CLIP4: variants seen among roughly 807,000 people sequenced by gnomAD.
CLIP4 encodes CAP-Gly domain-containing linker protein 4.
A neutral mutation model predicts 73.1 loss-of-function variants in CLIP4; 47 were observed. That is an observed-to-expected ratio of 0.64 (90% CI 0.51 to 0.82). The LOEUF is 0.82. CLIP4 is among the 40% of genes least tolerant of loss of function. The probability of loss-of-function intolerance (pLI) is 0.00; values close to 1 mark genes in which losing one functional copy is unlikely to be tolerated. For synonymous variants in CLIP4, 306 were observed against 295.4 expected, an observed-to-expected ratio of 1.04 and a Z score of -0.37; for missense variants, 874 against 852.9, an observed-to-expected ratio of 1.02 and a Z score of -0.31.
intron 12 of CLIP4, among the ~76,000 whole-genome samples, chr2:29,161,864 T>A (rs1667313577): frequency 6.6e-6 from 1 of 152,188 alleles, no homozygotes. Flanking sequence ...AAGTAGTCAC[T>A]GCCTCTACCC....
intron 2 of CLIP4, among the ~76,000 whole-genome samples, chr2:29,127,154 C>T (rs1474287718): frequency 6.6e-6 from 1 of 151,984 alleles, no homozygotes; most frequent in African/African-American, 2.4e-5. Context: ...GTATGCCATT[C>T]CAGTCAGAGG....
At chr2:29,157,617 ATCT>A (rs1366671368) in intron 11 of CLIP4, among the ~76,000 whole-genome samples, 2 of 152,002 alleles carry the variant, frequency 1.3e-5, no homozygotes, top group African/African-American at 2.4e-5. Flanking sequence ...CCTTTGTGTC[ATCT>A]TCATATTTAA....
chr2:29,118,842 T>A (rs556725586), intron 1 of CLIP4, among the ~76,000 whole-genome samples: 9 of 152,098 alleles, frequency 5.9e-5, no homozygotes, highest in East Asian at 1.9e-4. Flanking sequence ...ATATATATAT[T>A]TTTAACCTGA....
chr2:29,146,304 T>C (rs1666161624), intron 8 of CLIP4, among the ~76,000 whole-genome samples: 1 of 152,136 alleles, frequency 6.6e-6, no homozygotes, highest in African/African-American at 2.4e-5. Context: ...GGGAGGGACT[T>C]GGTTATCAAG....
At chr2:29,111,380 G>A (rs1668382899), upstream of CLIP4, among the ~76,000 whole-genome samples, 1 of 152,230 alleles carries the variant, frequency 6.6e-6, no homozygotes, top group Non-Finnish European at 1.5e-5. Flanking sequence ...GAAACTGGCA[G>A]TGCTCAGAGT....
chr2:29,112,707 G>A (rs1463984871), upstream of CLIP4, among the ~76,000 whole-genome samples: 2 of 152,214 alleles, frequency 1.3e-5, no homozygotes, highest in Non-Finnish European at 2.9e-5. Context: ...TAGGGGCTCT[G>A]CCCAGTGCTC....
intron 11 of CLIP4, 132 bp downstream of exon 11, chr2:29,157,479 C>T: frequency 7.1e-7 from 1 of 1,403,602 alleles, no homozygotes; most frequent in South Asian, 1.2e-5. Flanking sequence ...TTACTCTTCC[C>T]CACCTCCCCC....
At chr2:29,107,358 G>GTTTTTTTTTGTTTTTT (rs1558504865) in intron 1 of CLIP4, among the ~76,000 whole-genome samples, 6 of 65,352 alleles carry the variant, frequency 9.2e-5, no homozygotes, top group African/African-American at 1.0e-4. Flanking sequence ...GAACATGATA[G>GTTTTTTTTTGTTTTTT]TTTTTTTTTT....
intron 8 of CLIP4, among the ~76,000 whole-genome samples, chr2:29,150,244 G>A (rs1666463841): frequency 6.6e-6 from 1 of 152,078 alleles, no homozygotes. Context: ...CAAATGATGG[G>A]GTTACTCAGA....
At chr2:29,106,495 C>T (rs542842994) in intron 1 of CLIP4, among the ~76,000 whole-genome samples, 1 of 152,284 alleles carries the variant, frequency 6.6e-6, no homozygotes, top group African/African-American at 2.4e-5. Context: ...CACTTTGAGT[C>T]AGGCTTGTAT....
chr2:29,152,923 C>A, intron 9 of CLIP4, 95 bp downstream of exon 9: 1 of 1,375,900 alleles, frequency 7.3e-7, no homozygotes, highest in Non-Finnish European at 1.0e-6. Context: ...TTTTTGTTAG[C>A]CAACTCTGAA....
Position 29,179,259 on chromosome 2 carries a change from A to T in CLIP4, c.1797-2313A>T, listed in dbSNP as rs143627315. On this transcript the variant is annotated intron_variant, in intron 15 of 15. Coordinates refer to ENST00000320081, the MANE Select transcript of CLIP4 (RefSeq NM_024692.6). ...AAGTTTTACTTTTTAATCACATGTA[A>T]AATAATTATGTCTATTTTTCATTTT... Among the ~76,000 whole-genome samples, 13 of 151,916 alleles carry T rather than the reference A, an allele frequency of 8.6e-5. No individual in the cohort carries two copies. In the East Asian group the frequency reaches 2.1e-3, roughly 25 times the overall value.
chr2:29,152,621 G>GT, intron 8 of CLIP4, 64 bp from the exon 9 acceptor site: 3 of 1,528,244 alleles, frequency 2.0e-6, no homozygotes, highest in Non-Finnish European at 2.7e-6. Flanking sequence ...CTAATTAGTT[G>GT]TACTTGTTCC....
chr2:29,166,704 T>C (rs1667645643), intron 13 of CLIP4, among the ~76,000 whole-genome samples: 1 of 152,236 alleles, frequency 6.6e-6, no homozygotes, highest in Non-Finnish European at 1.5e-5. Context: ...ATCCATTCTC[T>C]TCATAAAATC....
At chr2:29,097,922 A>T in exon 1 of CLIP4, 1 of 152,234 alleles carries the variant, frequency 6.6e-6, no homozygotes, top group East Asian at 1.9e-4. Context: ...TCTACGTGAC[A>T]CTGAGAAGAC....
chr2:29,106,003 T>C (rs1668193610), intron 1 of CLIP4, among the ~76,000 whole-genome samples: 1 of 152,208 alleles, frequency 6.6e-6, no homozygotes, highest in African/African-American at 2.4e-5. Context: ...ACACTGAACT[T>C]TTCTGCCTCT....
chr2:29,180,657 AT>A (rs1668594430), intron 15 of CLIP4, among the ~76,000 whole-genome samples: 2 of 152,230 alleles, frequency 1.3e-5, no homozygotes, highest in African/African-American at 4.8e-5. Context: ...TGAACAAAAA[AT>A]AATTTAAATT....
rs1400430430 is a variant in CLIP4, at chr2:29,172,131, A to T, written c.1724-2242A>T. Among the ~76,000 whole-genome samples the T allele has an allele frequency of 2.0e-5, 3 of 151,878 alleles. No homozygotes were observed. In the East Asian group the frequency reaches 5.8e-4, roughly 29 times the overall value. ...TTGATACTTGGCAAAATCTAAAGTT[A>T]ATGATTTTTATCCTTTCTCAATAAT... On this transcript the variant is annotated intron_variant, in intron 14 of 15. Coordinates refer to ENST00000320081, the MANE Select transcript of CLIP4 (RefSeq NM_024692.6).
chr2:29,107,366 T>TG, intron 1 of CLIP4, among the ~76,000 whole-genome samples: 1 of 107,516 alleles, frequency 9.3e-6, no homozygotes, highest in Non-Finnish European at 1.9e-5. Flanking sequence ...TAGTTTTTTT[T>TG]TTTTTTTTTT....
Sources: gnomAD v4.1 joint callset for allele counts (sites outside exome capture counted in the v4.1 genomes callset) on GRCh38, gnomAD v4.1.1 for gene constraint, MANE v1.5 for transcripts, NCBI Gene and HGNC (gene_info 2026-07-23, HGNC 2026-07-21) for gene names.